Variants in CCDC157 observed in about 807,000 individuals in gnomAD.
CCDC157 encodes coiled-coil domain containing 157, also known as coiled-coil domain-containing protein 157.
In CCDC157, 60 loss-of-function variants were observed where a neutral mutation model predicts 70.9. The observed-to-expected ratio is 0.85, with a 90% CI of 0.69 to 1.05. The LOEUF (loss-of-function observed/expected upper bound fraction) is 1.05. Among genes scored for constraint, CCDC157 ranks in the 50% least tolerant of loss-of-function variants. CCDC157 has a pLI of 0.00. For synonymous variants in CCDC157, 373 were observed against 422.4 expected, an observed-to-expected ratio of 0.88 and a Z score of 1.43; for missense variants, 943 against 984.2, an observed-to-expected ratio of 0.96 and a Z score of 0.56.
chr22:30,369,737 C>T (rs920177358), intron 4 of CCDC157, 134 bp downstream of exon 4: 13 of 684,362 alleles, frequency 1.9e-5, no homozygotes, highest in Admixed American at 1.1e-4. Context: ...TGGCTCCCAC[C>T]GCCCTCCCAA....
In CCDC157 at chr22:30,371,717, A is replaced by G. The variant is rs2145928436; in HGVS notation, c.1113A>G (p.Thr371=). 2 of 1,613,916 alleles carry G rather than the reference A, an allele frequency of 1.2e-6. No individual in the cohort carries two copies. The highest frequency in any genetic ancestry group is 2.2e-5 in the East Asian group (1 of 44,886). ...ERELKQQRES[T]QAVEAKAQQL... ...AACTGAAACAGCAGCGGGAGTCCAC[A>G]CAGGCTGTGGGTAAGGAGCCCCATC... is the stretch of plus-strand genomic sequence containing the variant. Residue 371 remains threonine, a synonymous_variant, in exon 6 of 12, where the codon ACA becomes ACG. Transcript: ENST00000338306.
chr22:30,377,994 A>G lies in CCDC157; in HGVS notation c.*1249A>G. The stretch of plus-strand genomic sequence containing the variant: ...TCCTTTCTGCCGGTTCTGGGGAAGA[A>G]TTGGCTTCCAAGCTCCACTTGTTGG... On this transcript the variant is annotated 3_prime_UTR_variant, in exon 12 of 12. Transcript: ENST00000338306. 2.5e-6 allele frequency: 1 copy of G among 402,110 alleles called. No homozygotes were observed. The highest frequency in any genetic ancestry group is 5.2e-6 in the Non-Finnish European group (1 of 192,332). 24.9% of individuals were successfully genotyped at this position (402,110 alleles called of 1,614,324 possible). A position where few individuals can be genotyped will look rare whatever the true frequency, so the allele number is the denominator to read the frequency against.
At chr22:30,363,153 C>G (rs1312457062) in intron 2 of CCDC157, among the ~76,000 whole-genome samples, 1 of 152,208 alleles carries the variant, frequency 6.6e-6, no homozygotes, top group East Asian at 1.9e-4. Context: ...CCCAGCCCTG[C>G]TGGAGGGTGA....
At chr22:30,374,709 A>G (rs1314171852) in intron 9 of CCDC157, 1 of 456,642 alleles carries the variant, frequency 2.2e-6, no homozygotes, top group Non-Finnish European at 4.4e-6. Flanking sequence ...GAGGCAGGTC[A>G]TAGCCCCATA....
chr22:30,356,892 G>T, upstream of CCDC157: 1 of 1,080,132 alleles, frequency 9.3e-7, no homozygotes, highest in Non-Finnish European at 1.2e-6. Context: ...CTCGCAAGAT[G>T]GCGGCGGCCG....
intron 1 of CCDC157, among the ~76,000 whole-genome samples, chr22:30,358,177 G>A (rs191466979): frequency 2.0e-3 from 300 of 152,316 alleles, no homozygotes; most frequent in African/African-American, 6.2e-3. Context: ...ATGAGGGAGT[G>A]ATAGGAAAGG....
At chr22:30,356,825 G>T, upstream of CCDC157, 1 of 1,319,882 alleles carries the variant, frequency 7.6e-7, no homozygotes, top group South Asian at 1.9e-5. Context: ...AGTCCGCCTC[G>T]GTGTCGGTGA....
At chr22:30,374,882 T>A in intron 9 of CCDC157, 1 of 361,226 alleles carries the variant, frequency 2.8e-6, no homozygotes, top group South Asian at 1.9e-5. Flanking sequence ...ACAGCTCACT[T>A]TGGCTGTAGC....
At chr22:30,358,282 G>A (rs375242953) in intron 1 of CCDC157, among the ~76,000 whole-genome samples, 1 of 152,182 alleles carries the variant, frequency 6.6e-6, no homozygotes, top group African/African-American at 2.4e-5. Context: ...GGATGTATTG[G>A]TCATTTACTA....
chr22:30,373,756 G>T lies in CCDC157; in HGVS notation c.1495G>T (p.Ala499Ser). Reference sequence around the variant, plus strand: ...GGAGCAGGGGCAATGCCAGCTCAGGGCCCAGCAGGTGAGGGTGGGGGTCTT... The same window carrying T: ...GGAGCAGGGGCAATGCCAGCTCAGGTCCCAGCAGGTGAGGGTGGGGGTCTT... Reference protein sequence around the residue: ...EREQGQCQLRAQQELLQSLQR... With the variant: ...EREQGQCQLRSQQELLQSLQR... The change falls in exon 8 of 12, where the codon GCC (alanine) becomes TCC (serine). Residue 499 changes from alanine (A) to serine (S), a missense_variant. Transcript: ENST00000338306. 6.4e-7 allele frequency: 1 copy of T among 1,552,740 alleles called. No homozygotes were observed. Among genetic ancestry groups the T allele is most frequent in the South Asian group, 1.2e-5 (1 of 84,326 alleles).
rs752731939 is a variant in CCDC157, at chr22:30,366,149, T to C, written c.149T>C (p.Leu50Pro). 13 of 1,613,898 alleles carry C rather than the reference T, an allele frequency of 8.1e-6. No homozygotes were observed. The South Asian group carries it at 1.2e-4, about 15-fold the overall frequency. Reference protein sequence around the residue: ...WKFPDRMACDLDMVALLEHYD... With the variant: ...WKFPDRMACDPDMVALLEHYD... The stretch of plus-strand genomic sequence containing the variant: ...TTCCCTGACCGCATGGCCTGTGACC[T>C]CGACATGGTGGCCCTGCTGGAGCAC... The change falls in exon 3 of 12, where the codon CTC (leucine) becomes CCC (proline). Residue 50 changes from leucine to proline, a missense_variant. Leu to Pro is a moderately conservative substitution (Grantham distance 98). Transcript: ENST00000338306.
intron 5 of CCDC157, chr22:30,371,350 A>T (rs1076297): frequency 0.21 from 104,357 of 508,396 alleles, 11,887 homozygotes; most frequent in Middle Eastern, 0.31. Context: ...GCACCAGAAG[A>T]TGGCCAGTGC....
intron 9 of CCDC157, chr22:30,375,168 A>G (rs563358221): frequency 6.4e-6 from 2 of 314,724 alleles, no homozygotes; most frequent in South Asian, 6.0e-5. Flanking sequence ...CATGTTGGCC[A>G]GGATGGTCTT....
rs769519943 is a variant in CCDC157, at chr22:30,372,150, A to AGCAGGTGCAGCAGTTGGAGGC, written c.1211_1231dup (p.Gln404_Gln410dup). The AGCAGGTGCAGCAGTTGGAGGC allele has an allele frequency of 3.2e-6, 5 of 1,559,136 alleles. No homozygotes were observed. In the African/African-American group the frequency reaches 5.4e-5, roughly 17 times the overall value. On this transcript the variant is annotated inframe_insertion, in exon 7 of 12. Coordinates refer to ENST00000338306, the MANE Select transcript of CCDC157 (RefSeq NM_001017437.5). ...GAGAGGCAGGTGCAGCAGCTGGAGG[A>AGCAGGTGCAGCAGTTGGAGGC]GCAGGTGCAGCAGTTGGAGGCGCAG...
At position 30,374,080 on chromosome 22, in the gene CCDC157, C is replaced by A; in HGVS notation, c.1661C>A (p.Thr554Asn). The stretch of plus-strand genomic sequence containing the variant: ...CCAGACCTGCACAGGCCCACCGAGA[C>A]CCAGATCCATGGTAGGGGACTGGGG... ...AFPDLHRPTE[T>N]QIHGGRSSSV... Residue 554 changes from threonine to asparagine, a missense_variant, in exon 9 of 12, where the codon ACC becomes AAC. Thr to Asn is a moderately conservative substitution (Grantham distance 65). Transcript: ENST00000338306. 1 of 1,598,048 alleles carries A rather than the reference C, an allele frequency of 6.3e-7. No homozygotes were observed. The highest frequency in any genetic ancestry group is 8.5e-7 in the Non-Finnish European group (1 of 1,173,564).
At chr22:30,358,179 T>C (rs1932066972) in intron 1 of CCDC157, among the ~76,000 whole-genome samples, 1 of 152,196 alleles carries the variant, frequency 6.6e-6, no homozygotes, top group Admixed American at 6.5e-5. Context: ...GAGGGAGTGA[T>C]AGGAAAGGTT....
rs1384499158 is a variant in CCDC157, at chr22:30,376,867, C to T, written c.*122C>T. ...AGTATGACTGAGCCAAGGAAAGAAC[C>T]CTTCCTTCCCTGTCCTGGGCAGGGG... On this transcript the variant is annotated 3_prime_UTR_variant, in exon 12 of 12. Coordinates refer to ENST00000338306, the MANE Select transcript of CCDC157 (RefSeq NM_001017437.5). 1 of 1,009,108 alleles carries T rather than the reference C, an allele frequency of 9.9e-7. No individual in the cohort carries two copies. Among genetic ancestry groups the T allele is most frequent in the Non-Finnish European group, 1.4e-6 (1 of 695,326 alleles). The allele number at this position is 1,009,108 out of a possible 1,614,324, so 62.5% of individuals were successfully genotyped here.
intron 7 of CCDC157, 76 bp from the exon 8 acceptor site, chr22:30,373,521 T>C (rs1036179864): frequency 6.7e-7 from 1 of 1,491,204 alleles, no homozygotes; most frequent in African/African-American, 1.4e-5. Context: ...GTAGATGCTG[T>C]AGCCTCCTTA....
At chr22:30,374,223 G>A (rs1933173421) in intron 9 of CCDC157, 132 bp downstream of exon 9, 3 of 1,113,264 alleles carry the variant, frequency 2.7e-6, no homozygotes, top group East Asian at 2.6e-5. Flanking sequence ...GCGGCCAGCA[G>A]CGCAGCCCCT....
Sources: allele counts gnomAD v4.1 joint callset (sites outside exome capture counted in the v4.1 genomes callset), GRCh38; gene constraint gnomAD v4.1.1; transcripts MANE v1.5; gene names NCBI Gene and HGNC (gene_info 2026-07-23, HGNC 2026-07-21).